MAP4K4: variants seen among roughly 807,000 people sequenced by gnomAD.
MAP4K4 encodes the protein mitogen-activated protein kinase kinase kinase kinase 4, also known as HPK/GCK-like kinase HGK.
MAP4K4 carries 38 observed loss-of-function variants against 189.6 expected under a neutral mutation model. The observed-to-expected ratio is 0.20, with a 90% CI of 0.15 to 0.26. The LOEUF is 0.26. Among genes scored for constraint, MAP4K4 ranks in the 10% least tolerant of loss-of-function variants. The pLI is 1.00. For missense variants in MAP4K4, 1,054 were observed against 1,726.9 expected (o/e 0.61, Z 6.91); for synonymous variants, 610 against 624.3 (o/e 0.98, Z 0.34).
At chr2:101,882,805 T>C (rs987832188) in intron 28 of MAP4K4, 120 bp downstream of exon 28, 2 of 1,017,244 alleles carry the variant, frequency 2.0e-6, no homozygotes, top group African/African-American at 3.2e-5. Context: ...CTGAAACACG[T>C]GGATCATTTC....
chr2:101,767,342 A>G (rs2079063976), intron 2 of MAP4K4, among the ~76,000 whole-genome samples: 3 of 152,286 alleles, frequency 2.0e-5, no homozygotes, highest in Admixed American at 6.5e-5. Context: ...GAGAGGCCCT[A>G]TGATTTAACC....
intron 17 of MAP4K4, 132 bp from the exon 18 acceptor site, chr2:101,864,798 G>T: frequency 1.6e-6 from 1 of 630,336 alleles, no homozygotes; most frequent in Non-Finnish European, 2.9e-6. Flanking sequence ...AGGAGTTGGG[G>T]TGGGGAGTGG....
At chr2:101,716,275 C>G (rs1323714493) in intron 2 of MAP4K4, among the ~76,000 whole-genome samples, 1 of 152,088 alleles carries the variant, frequency 6.6e-6, no homozygotes, top group African/African-American at 2.4e-5. Flanking sequence ...AACGCCGTCT[C>G]TACTAAAAAT....
intron 16 of MAP4K4, among the ~76,000 whole-genome samples, chr2:101,862,487 A>G (rs991378110): frequency 1.3e-5 from 2 of 152,178 alleles, no homozygotes; most frequent in Non-Finnish European, 2.9e-5. Flanking sequence ...TTCTTTAGCA[A>G]CTTTGCACTG....
At chr2:101,717,002 A>G (rs966056687) in intron 2 of MAP4K4, among the ~76,000 whole-genome samples, 2 of 152,202 alleles carry the variant, frequency 1.3e-5, no homozygotes, top group Admixed American at 6.5e-5. Flanking sequence ...TCATTTTACA[A>G]AAGAATCTAA....
intron 2 of MAP4K4, among the ~76,000 whole-genome samples, chr2:101,778,492 G>A (rs186639539): frequency 7.2e-4 from 109 of 152,142 alleles, no homozygotes; most frequent in Non-Finnish European, 1.8e-4. Flanking sequence ...TATCTTGTGG[G>A]GGAGGGGGTG....
intron 5 of MAP4K4, among the ~76,000 whole-genome samples, chr2:101,829,146 G>T (rs6752068): frequency 0.011 from 1,622 of 152,240 alleles, 38 homozygotes; most frequent in African/African-American, 0.037. Context: ...TGCCCACGGG[G>T]TCACCCTCTA....
intron 2 of MAP4K4, among the ~76,000 whole-genome samples, chr2:101,706,031 T>C (rs1025171581): frequency 1.3e-5 from 2 of 152,182 alleles, no homozygotes; most frequent in African/African-American, 4.8e-5. Flanking sequence ...ATTATAACTT[T>C]AAAAAATCCT....
chr2:101,822,064 C>T (rs777619392), intron 3 of MAP4K4, among the ~76,000 whole-genome samples: 10 of 152,174 alleles, frequency 6.6e-5, no homozygotes, highest in Non-Finnish European at 1.5e-4. Flanking sequence ...ATAACAATGC[C>T]TTCTTAGGGA....
exon 12 of MAP4K4, chr2:101,844,300 C>A (rs377621157): frequency 2.8e-5 from 43 of 1,558,598 alleles, no homozygotes; most frequent in Non-Finnish European, 3.7e-5. Context: ...ACAGAGGCGA[C>A]GGCTAGAAGA....
chr2:101,741,331 C>T (rs2062738377), intron 2 of MAP4K4, among the ~76,000 whole-genome samples: 2 of 151,938 alleles, frequency 1.3e-5, no homozygotes, highest in African/African-American at 4.8e-5. Flanking sequence ...CCATGCCTGG[C>T]TAATTTTTTT....
intron 2 of MAP4K4, among the ~76,000 whole-genome samples, chr2:101,784,288 ATG>A (rs111233758): frequency 0.075 from 9,954 of 132,604 alleles, 410 homozygotes; most frequent in African/African-American, 0.14. Context: ...GTGTGTGTGT[ATG>A]TGTGTGTGTG....
At chr2:101,848,272 T>C (rs1447168930) in intron 12 of MAP4K4, among the ~76,000 whole-genome samples, 1 of 152,216 alleles carries the variant, frequency 6.6e-6, no homozygotes, top group African/African-American at 2.4e-5. Flanking sequence ...TAGGGAATAA[T>C]GACCAAAAAA....
At chr2:101,890,150 A>T (rs1270792998) in intron 32 of MAP4K4, among the ~76,000 whole-genome samples, 1 of 152,256 alleles carries the variant, frequency 6.6e-6, no homozygotes, top group Non-Finnish European at 1.5e-5. Flanking sequence ...AATTCTATTT[A>T]TGGGTTATAT....
intron 2 of MAP4K4, among the ~76,000 whole-genome samples, chr2:101,731,774 G>C (rs542887889): frequency 6.6e-5 from 10 of 151,630 alleles, no homozygotes; most frequent in Admixed American, 1.3e-4. Context: ...AAAAAAGATG[G>C]AGGGGAGGGG....
chr2:101,826,300 A>G (rs550573126), intron 5 of MAP4K4, among the ~76,000 whole-genome samples: 4 of 152,298 alleles, frequency 2.6e-5, no homozygotes, highest in East Asian at 3.9e-4. Context: ...TTTAAGATTC[A>G]TAGAGGATTG....
At chr2:101,891,333 C>A in exon 33 of MAP4K4, 3 of 1,235,692 alleles carry the variant, frequency 2.4e-6, no homozygotes, top group South Asian at 1.2e-5. Flanking sequence ...GAGCTCGGAG[C>A]TGCACCGAGG....
At chr2:101,863,353 C>T (rs901084584) in intron 16 of MAP4K4, among the ~76,000 whole-genome samples, 21 of 152,112 alleles carry the variant, frequency 1.4e-4, no homozygotes, top group Admixed American at 6.5e-4. Context: ...TTTTGTTACT[C>T]GCTCTGGTGT....
rs988869386 is a variant in MAP4K4 at position 101,839,800 on chromosome 2, T to C, written c.774-19T>C. The C allele has an allele frequency of 9.7e-6, 15 of 1,547,956 alleles. No homozygotes were observed. The highest frequency in any genetic ancestry group is 1.3e-5 in the Non-Finnish European group (15 of 1,151,844). On this transcript the variant is annotated intron_variant, in intron 9 of 32. Transcript: ENST00000324219. ...ACTCTTTGTGGTGGAAATTTGATGA[T>C]CTTTTTCACTTCTTACAGGTCGAAG...
Sources: gnomAD v4.1 joint callset for allele counts (sites outside exome capture counted in the v4.1 genomes callset) on GRCh38, gnomAD v4.1.1 for gene constraint, MANE v1.5 for transcripts, NCBI Gene and HGNC (gene_info 2026-07-23, HGNC 2026-07-21) for gene names.